The following COL4A2 variants were observed in gnomAD, a reference collection of about 807,000 sequenced individuals.
COL4A2 encodes collagen alpha-2(IV) chain.
COL4A2 carries 99 observed loss-of-function variants against 200.2 expected under a neutral mutation model. The ratio of observed to expected loss-of-function variants is 0.49; its 90% CI spans 0.42 to 0.58. The LOEUF (loss-of-function observed/expected upper bound fraction) is 0.58, where lower values mean the gene tolerates loss of function less well. Among genes scored for constraint, COL4A2 ranks in the 20% least tolerant of loss-of-function variants. The pLI is 0.00. For synonymous variants in COL4A2, 897 were observed against 900.6 expected (o/e 1.00, Z 0.07); for missense variants, 1,950 against 2,314.1 (o/e 0.84, Z 3.23).
chr13:110,427,383 C>T (rs1880508542), intron 6 of COL4A2, among the ~76,000 whole-genome samples: 1 of 152,160 alleles, frequency 6.6e-6, no homozygotes, highest in African/African-American at 2.4e-5. Context: ...CTCCTGGCCT[C>T]AAGTGATCCA....
At chr13:110,330,032 C>CT (rs1270748042) in intron 3 of COL4A2, among the ~76,000 whole-genome samples, 1 of 152,144 alleles carries the variant, frequency 6.6e-6, no homozygotes, top group African/African-American at 2.4e-5. Context: ...GTGTATTTTG[C>CT]TTTTTGGTAA....
rs1406240391 is a variant in COL4A2 at position 110,504,976 on chromosome 13, A to G, written c.4402+712A>G. Among the ~76,000 whole-genome samples, 3 of 150,750 alleles carry G rather than the reference A, an allele frequency of 2.0e-5. No homozygotes were observed. In the East Asian group the frequency reaches 6.1e-4, roughly 31 times the overall value. ...GGCCAGGAATAACAGCTATTCATGA[A>G]AAAAAAAAACCTCAAAATTTGTCTT... is the stretch of plus-strand genomic sequence containing the variant. On this transcript the variant is annotated intron_variant, in intron 45 of 47. Transcript: ENST00000360467.
intron 3 of COL4A2, among the ~76,000 whole-genome samples, chr13:110,326,683 C>T (rs143598772): frequency 1.6e-3 from 246 of 152,300 alleles, no homozygotes; most frequent in African/African-American, 5.6e-3. Flanking sequence ...TGCTGCCCCG[C>T]GCCTGTCTGG....
At chr13:110,417,911 T>A (rs1440446659) in intron 4 of COL4A2, among the ~76,000 whole-genome samples, 1 of 152,132 alleles carries the variant, frequency 6.6e-6, no homozygotes, top group Non-Finnish European at 1.5e-5. Context: ...CTCTTAGGTA[T>A]ATACCTAGGA....
At chr13:110,433,803 G>A (rs138841998) in intron 11 of COL4A2, among the ~76,000 whole-genome samples, 361 of 152,314 alleles carry the variant, frequency 2.4e-3, no homozygotes, top group African/African-American at 8.2e-3. Flanking sequence ...CCTCCCACAC[G>A]TGGCTACTAC....
chr13:110,430,067 A>C (rs1019575424), intron 8 of COL4A2, 111 bp downstream of exon 8: 2 of 1,091,444 alleles, frequency 1.8e-6, no homozygotes, highest in African/African-American at 1.6e-5. Flanking sequence ...TACTGAAGGC[A>C]TGCCTAGAAT....
At chr13:110,376,012 T>C (rs1878222826) in intron 4 of COL4A2, among the ~76,000 whole-genome samples, 1 of 152,220 alleles carries the variant, frequency 6.6e-6, no homozygotes, top group Admixed American at 6.5e-5. Flanking sequence ...GGGTGATTTA[T>C]ACATCATTAT....
intron 30 of COL4A2, among the ~76,000 whole-genome samples, chr13:110,479,858 C>T (rs565920698): frequency 9.2e-5 from 14 of 152,196 alleles, no homozygotes; most frequent in Non-Finnish European, 1.6e-4. Flanking sequence ...GTGATGTTCG[C>T]GAGGAACAGG....
At chr13:110,445,912 T>TA in intron 17 of COL4A2, 30 bp downstream of exon 17, 2 of 1,613,612 alleles carry the variant, frequency 1.2e-6, no homozygotes, top group Non-Finnish European at 8.5e-7. Flanking sequence ...CTTTGCCACT[T>TA]ATGGTGTCTC....
chr13:110,363,800 G>T (rs1349284305), intron 4 of COL4A2, among the ~76,000 whole-genome samples: 1 of 152,214 alleles, frequency 6.6e-6, no homozygotes, highest in Non-Finnish European at 1.5e-5. Flanking sequence ...CCCAAGGAGA[G>T]AATTGCGATG....
chr13:110,376,008 T>C (rs1361817848), intron 4 of COL4A2, among the ~76,000 whole-genome samples: 1 of 152,194 alleles, frequency 6.6e-6, no homozygotes, highest in African/African-American at 2.4e-5. Context: ...ATTTGGGTGA[T>C]TTATACATCA....
At chr13:110,347,907 C>A (rs9521704) in intron 3 of COL4A2, among the ~76,000 whole-genome samples, 52 of 152,326 alleles carry the variant, frequency 3.4e-4, no homozygotes, top group Non-Finnish European at 6.9e-4. Context: ...GGGGAGGGCA[C>A]CGAACGTCAT....
intron 4 of COL4A2, among the ~76,000 whole-genome samples, chr13:110,409,710 A>T (rs1304913465): frequency 2.0e-5 from 3 of 152,230 alleles, no homozygotes; most frequent in Admixed American, 2.0e-4. Flanking sequence ...CCCGGGCTTC[A>T]TGTCTGGACA....
intron 4 of COL4A2, among the ~76,000 whole-genome samples, chr13:110,381,274 A>G (rs1878481111): frequency 6.7e-6 from 1 of 149,052 alleles, no homozygotes; most frequent in Non-Finnish European, 1.5e-5. Flanking sequence ...CACGGACTCT[A>G]TCTCACGCCC....
At chr13:110,430,065 G>A in intron 8 of COL4A2, 109 bp downstream of exon 8, 7 of 1,137,582 alleles carry the variant, frequency 6.2e-6, no homozygotes, top group Non-Finnish European at 8.6e-6. Context: ...TGTACTGAAG[G>A]CATGCCTAGA....
chr13:110,499,014 A>T (rs375685), intron 40 of COL4A2, among the ~76,000 whole-genome samples: 1 of 152,146 alleles, frequency 6.6e-6, no homozygotes, highest in Admixed American at 6.5e-5. Context: ...GACACTGCCC[A>T]GTGCCATTGG....
At chr13:110,413,026 GGAT>G (rs1879905045) in intron 4 of COL4A2, among the ~76,000 whole-genome samples, 1 of 152,152 alleles carries the variant, frequency 6.6e-6, no homozygotes, top group African/African-American at 2.4e-5. Context: ...TTGAGATTGC[GGAT>G]GATGTTTTCC....
At chr13:110,456,134 G>A (rs192296940) in intron 20 of COL4A2, among the ~76,000 whole-genome samples, 18 of 152,324 alleles carry the variant, frequency 1.2e-4, no homozygotes, top group African/African-American at 2.2e-4. Context: ...TTCTTGCACC[G>A]TCATCATCAG....
intron 3 of COL4A2, among the ~76,000 whole-genome samples, chr13:110,343,157 C>T (rs1313662554): frequency 1.3e-5 from 2 of 152,088 alleles, no homozygotes; most frequent in Non-Finnish European, 2.9e-5. Context: ...TCTGATTGTC[C>T]ATCGAACACA....
Sources: allele counts gnomAD v4.1 joint callset (sites outside exome capture counted in the v4.1 genomes callset), GRCh38; gene constraint gnomAD v4.1.1; transcripts MANE v1.5; gene names NCBI Gene and HGNC (gene_info 2026-07-23, HGNC 2026-07-21).